Variants in CCDC102B observed in about 807,000 individuals in gnomAD.
The protein encoded by CCDC102B is coiled-coil domain-containing protein 102B.
A neutral mutation model predicts 57.4 loss-of-function variants in CCDC102B; 75 were observed. The observed-to-expected ratio is 1.31, with a 90% CI of 1.08 to 1.58. CCDC102B has a LOEUF of 1.58. Ranked by LOEUF, CCDC102B falls within the 40% of genes most tolerant of loss-of-function variation. CCDC102B has a pLI of 0.00. For missense variants in CCDC102B, 636 were observed against 582.6 expected (o/e 1.09, Z -0.94); for synonymous variants, 206 against 201.9 (o/e 1.02, Z -0.17).
At chr18:69,046,332 T>C (rs1387183861) in intron 7 of CCDC102B, among the ~76,000 whole-genome samples, 1 of 152,192 alleles carries the variant, frequency 6.6e-6, no homozygotes, top group African/African-American at 2.4e-5. Flanking sequence ...GGTTTTTATT[T>C]GCATTTCTCT....
chr18:68,910,416 A>G (rs1160361123), intron 6 of CCDC102B, among the ~76,000 whole-genome samples: 1 of 152,226 alleles, frequency 6.6e-6, no homozygotes, highest in Non-Finnish European at 1.5e-5. Context: ...CTACAATTAA[A>G]TATTTTGTGA....
chr18:68,813,982 G>A (rs919187288), intron 1 of CCDC102B, among the ~76,000 whole-genome samples: 3 of 151,560 alleles, frequency 2.0e-5, no homozygotes, highest in Non-Finnish European at 2.9e-5. Flanking sequence ...AGATGATGAA[G>A]AATGGTTAGT....
chr18:68,906,418 C>A (rs925267258), intron 6 of CCDC102B, among the ~76,000 whole-genome samples: 1 of 152,138 alleles, frequency 6.6e-6, no homozygotes, highest in Non-Finnish European at 1.5e-5. Flanking sequence ...TCCATAATGG[C>A]GGAACCCATT....
intron 1 of CCDC102B, among the ~76,000 whole-genome samples, chr18:68,819,427 A>G (rs2036612472): frequency 6.6e-6 from 1 of 151,960 alleles, no homozygotes. Flanking sequence ...ATTCTCTTTC[A>G]TTTGTCTATT....
chr18:69,052,039 C>A (rs2052719094), intron 7 of CCDC102B, among the ~76,000 whole-genome samples: 2 of 118,726 alleles, frequency 1.7e-5, no homozygotes, highest in Admixed American at 9.8e-5. Context: ...ATGATTAAAC[C>A]AAAGATCTCT....
chr18:69,016,026 CTT>C (rs68178005), intron 7 of CCDC102B, among the ~76,000 whole-genome samples: 13,580 of 128,900 alleles, frequency 0.11, 1,459 homozygotes, highest in African/African-American at 0.28. Flanking sequence ...GGCTAATTTT[CTT>C]TTTTTTTTTT....
intron 4 of CCDC102B, among the ~76,000 whole-genome samples, chr18:68,861,238 T>G (rs538049028): frequency 5.3e-4 from 80 of 152,284 alleles, no homozygotes; most frequent in Admixed American, 2.7e-3. Context: ...ATTATGGTTT[T>G]TTTGACGACT....
chr18:68,975,044 A>G (rs1388403361), intron 6 of CCDC102B, among the ~76,000 whole-genome samples: 1 of 151,942 alleles, frequency 6.6e-6, no homozygotes, highest in Non-Finnish European at 1.5e-5. Context: ...GAATCGTAAG[A>G]CTCACATCTC....
At chr18:68,987,936 A>T (rs2050765209) in intron 6 of CCDC102B, among the ~76,000 whole-genome samples, 1 of 152,204 alleles carries the variant, frequency 6.6e-6, no homozygotes, top group African/African-American at 2.4e-5. Context: ...ATGCTCATAC[A>T]CTGTTGGCAG....
upstream of CCDC102B, among the ~76,000 whole-genome samples, chr18:68,794,045 C>G (rs935936770): frequency 2.6e-5 from 4 of 152,120 alleles, no homozygotes; most frequent in Non-Finnish European, 5.9e-5. Flanking sequence ...GATACTATTA[C>G]AATTTTCCAT....
In CCDC102B at chr18:68,741,608, T is replaced by C. The variant is rs115309616; in HGVS notation, c.-67+25014T>C. 8.1e-3 allele frequency among the ~76,000 whole-genome samples: 1,222 copies of C among 151,544 alleles called. 16 individuals are homozygous for C. Among genetic ancestry groups the C allele is most frequent in the African/African-American group, 0.028 (1,172 of 41,284 alleles). On this transcript the variant is annotated intron_variant, in intron 2 of 3. Coordinates refer to the CCDC102B transcript ENST00000578970. ...TAAGGCAAATGCCTTCCATATTTGG[T>C]TATCCTGAAGAAAAGAAAAGGTCCC...
intron 3 of CCDC102B, among the ~76,000 whole-genome samples, chr18:68,840,394 G>T (rs2037577058): frequency 6.6e-6 from 1 of 151,910 alleles, no homozygotes; most frequent in African/African-American, 2.4e-5. Context: ...TTTCTCATTA[G>T]TCCCTCTGAA....
chr18:68,828,981 C>T (rs900742880), intron 1 of CCDC102B, among the ~76,000 whole-genome samples: 1 of 151,804 alleles, frequency 6.6e-6, no homozygotes, highest in African/African-American at 2.4e-5. Context: ...CTTTTGAAGT[C>T]TGGGTGAAAG....
In CCDC102B at chr18:68,963,762, A is replaced by G. The variant is rs186324741; in HGVS notation, c.1264-47172A>G. ...GCTGGTGACTAAAATTTTGTATCCA[A>G]TGGTTTACTCCTGAATTCTTAATAC... On this transcript the variant is annotated intron_variant, in intron 6 of 7. Coordinates refer to ENST00000360242, the MANE Select transcript of CCDC102B (RefSeq NM_024781.3). Among the ~76,000 whole-genome samples, 289 of 151,952 alleles carry G rather than the reference A, an allele frequency of 1.9e-3. 4 individuals are homozygous for G. In the Middle Eastern group the frequency reaches 0.034, roughly 18 times the overall value.
In CCDC102B at chr18:68,944,820, T is replaced by C. The variant is rs1348932844; in HGVS notation, c.1263+47392T>C. On this transcript the variant is annotated intron_variant, in intron 6 of 7. Transcript: ENST00000360242. ...CCTCATCTTAACAACCATATATGACTGTAAAGCCTGTAGTGCTAACTACCT... is the reference window on the plus strand; with the variant it reads ...CCTCATCTTAACAACCATATATGACCGTAAAGCCTGTAGTGCTAACTACCT... 2.0e-5 allele frequency among the ~76,000 whole-genome samples: 3 copies of C among 152,080 alleles called. No homozygotes were observed. The East Asian group carries it at 5.8e-4, about 29-fold the overall frequency.
rs146261296 is a variant in CCDC102B, at chr18:68,941,036, A to C, written c.1263+43608A>C. 8.4e-3 allele frequency among the ~76,000 whole-genome samples: 1,276 copies of C among 151,810 alleles called. 17 individuals carry two copies. The highest frequency in any genetic ancestry group is 0.029 in the African/African-American group (1,215 of 41,520). ...CAATCATACCAAATTTAACCTAAAA[A>C]TTCTGAAACATAGGTAGAAGGAGGA... On this transcript the variant is annotated intron_variant, in intron 6 of 7. Coordinates refer to ENST00000360242, the MANE Select transcript of CCDC102B (RefSeq NM_024781.3).
intron 6 of CCDC102B, among the ~76,000 whole-genome samples, chr18:68,971,550 G>A (rs1001278803): frequency 1.3e-5 from 2 of 152,086 alleles, no homozygotes; most frequent in African/African-American, 2.4e-5. Context: ...AATGAAGTGT[G>A]CACCAATAAT....
intron 5 of CCDC102B, among the ~76,000 whole-genome samples, chr18:68,876,839 A>T (rs1343529481): frequency 5.9e-5 from 9 of 152,210 alleles, no homozygotes; most frequent in Non-Finnish European, 1.3e-4. Context: ...AACAGAATCA[A>T]GCTGTCACAG....
rs543561818 is a variant in CCDC102B at position 69,012,846 on chromosome 18, T to C, written c.1434+1742T>C. On this transcript the variant is annotated intron_variant, in intron 7 of 7. Coordinates refer to ENST00000360242, the MANE Select transcript of CCDC102B (RefSeq NM_024781.3). ...TTGTTGCTACAAAAAACAAAACAAATTTAACTTAGTTGAAGCTGACTGGTA... is the reference window on the plus strand; with the variant it reads ...TTGTTGCTACAAAAAACAAAACAAACTTAACTTAGTTGAAGCTGACTGGTA... 2.0e-5 allele frequency among the ~76,000 whole-genome samples: 3 copies of C among 152,240 alleles called. No individual in the cohort carries two copies. In the East Asian group the frequency reaches 5.8e-4, roughly 29 times the overall value.
Sources: gnomAD v4.1 joint callset for allele counts (sites outside exome capture counted in the v4.1 genomes callset) on GRCh38, gnomAD v4.1.1 for gene constraint, MANE v1.5 for transcripts, NCBI Gene and HGNC (gene_info 2026-07-23, HGNC 2026-07-21) for gene names.